Variants in OPRPN observed in about 807,000 individuals in gnomAD.
The protein encoded by OPRPN is basic proline-rich lacrimal protein.
In OPRPN, 1 loss-of-function variant was observed where a neutral mutation model predicts 2.2. That is an observed-to-expected ratio of 0.45 (90% confidence interval 0.16 to 2.15). OPRPN has a LOEUF of 2.15. Ranked by LOEUF, OPRPN falls within the 30% of genes most tolerant of loss-of-function variation. OPRPN has a pLI of 0.28. For synonymous variants in OPRPN, 126 were observed against 111.5 expected (o/e 1.13, Z -0.82); for missense variants, 306 against 297.3 (o/e 1.03, Z -0.21).
Position 70,410,007 on chromosome 4 carries a change from A to G in OPRPN, c.679A>G (p.Asn227Asp), listed in dbSNP as rs1577886171. 2 of 1,611,466 alleles carry G rather than the reference A, an allele frequency of 1.2e-6. No homozygotes were observed. Among genetic ancestry groups the G allele is most frequent in the Non-Finnish European group, 1.7e-6 (2 of 1,179,170 alleles). Residue 227 changes from asparagine (N) to aspartate (D), a missense_variant, in exon 3 of 3, where the codon AAC (asparagine) becomes GAC (aspartate). Transcript: ENST00000399575. ...LNATVQVTTS[N>D]QTILSSPAFK... ...TGCCACTGTCCAAGTTACGACTTCC[A>G]ACCAAACTATATTAAGCAGCCCAGC...
At chr4:70,403,576 G>C (rs1733025806) in intron 2 of OPRPN, among the ~76,000 whole-genome samples, 1 of 152,108 alleles carries the variant, frequency 6.6e-6, no homozygotes, top group Non-Finnish European at 1.5e-5. Flanking sequence ...TTGCATGTTT[G>C]TGTGCATGCA....
chr4:70,407,902 G>A (rs188696744), intron 2 of OPRPN, among the ~76,000 whole-genome samples: 194 of 152,264 alleles, frequency 1.3e-3, no homozygotes, highest in Non-Finnish European at 2.0e-3. Flanking sequence ...AAGTTCTCAC[G>A]TATCATGGCC....
At chr4:70,405,940 C>A (rs1209142880) in intron 2 of OPRPN, among the ~76,000 whole-genome samples, 11 of 151,914 alleles carry the variant, frequency 7.2e-5, no homozygotes, top group African/African-American at 2.7e-4. Context: ...TGGTGGTGCA[C>A]TCCTGTGGTC....
At chr4:70,407,713 C>G (rs1432592380) in intron 2 of OPRPN, among the ~76,000 whole-genome samples, 2 of 152,000 alleles carry the variant, frequency 1.3e-5, no homozygotes, top group South Asian at 2.1e-4. Flanking sequence ...ATATTATAGA[C>G]AGGAAGAATA....
rs990098881 is a variant in OPRPN at position 70,399,139 on chromosome 4, C to T, written c.-15-132C>T. ...CTTCCTCTCCCCAAAATATCAAACA[C>T]ATCTTTAAAGGTTATGTTGGTCTTT... is the stretch of plus-strand genomic sequence containing the variant. On this transcript the variant is annotated intron_variant, in intron 1 of 2. Coordinates refer to ENST00000399575, the MANE Select transcript of OPRPN (RefSeq NM_021225.5). 17 of 534,920 alleles carry T rather than the reference C, an allele frequency of 3.2e-5. No individual in the cohort carries two copies. In the East Asian group the frequency reaches 4.6e-4, roughly 15 times the overall value. 33.1% of individuals were successfully genotyped at this position (534,920 alleles called of 1,614,324 possible).
intron 2 of OPRPN, among the ~76,000 whole-genome samples, chr4:70,403,022 C>T (rs1349436402): frequency 1.3e-5 from 2 of 151,918 alleles, no homozygotes; most frequent in African/African-American, 2.4e-5. Context: ...AGAAAGATGC[C>T]GTCTCTTCCC....
At chr4:70,403,610 C>T (rs946212681) in intron 2 of OPRPN, among the ~76,000 whole-genome samples, 2 of 152,060 alleles carry the variant, frequency 1.3e-5, no homozygotes, top group Non-Finnish European at 2.9e-5. Flanking sequence ...AATTATTTGT[C>T]ATTTTAATTA....
At chr4:70,399,636 T>TTGTC (rs1732930587) in intron 2 of OPRPN, 2 of 209,644 alleles carry the variant, frequency 9.5e-6, no homozygotes, top group Non-Finnish European at 1.9e-5. Flanking sequence ...TCAAAAGGAC[T>TTGTC]ACTATCAAAT....
intron 2 of OPRPN, among the ~76,000 whole-genome samples, chr4:70,401,927 C>G (rs1323013081): frequency 6.6e-6 from 1 of 152,050 alleles, no homozygotes; most frequent in African/African-American, 2.4e-5. Flanking sequence ...GTTGGTTAAG[C>G]TGTCAGTCTG....
At chr4:70,406,184 T>C (rs1400019123) in intron 2 of OPRPN, among the ~76,000 whole-genome samples, 1 of 152,218 alleles carries the variant, frequency 6.6e-6, no homozygotes, top group Non-Finnish European at 1.5e-5. Context: ...TAAGTGACTA[T>C]AAGTATTATA....
Position 70,409,711 on chromosome 4 carries a change from C to T in OPRPN, c.383C>T (p.Pro128Leu). The T allele has an allele frequency of 6.2e-7, 1 of 1,613,446 alleles. No homozygotes were observed. The highest frequency in any genetic ancestry group is 8.5e-7 in the Non-Finnish European group (1 of 1,179,522). ...RILKPPFPPIPFFLAIYLPIS... is the reference protein window; with the variant it reads ...RILKPPFPPILFFLAIYLPIS... ...TTAAAACCCCCATTTCCTCCTATTCCTTTTTTTCTTGCTATTTACCTTCCT... is the reference window on the plus strand; with the variant it reads ...TTAAAACCCCCATTTCCTCCTATTCTTTTTTTTCTTGCTATTTACCTTCCT... Residue 128 changes from proline (P) to leucine (L), a missense_variant, in exon 3 of 3, where the codon CCT becomes CTT. By Grantham distance (98) the Pro-to-Leu change is moderately conservative. Coordinates refer to ENST00000399575, the MANE Select transcript of OPRPN (RefSeq NM_021225.5).
intron 2 of OPRPN, among the ~76,000 whole-genome samples, chr4:70,403,585 C>A (rs1055243266): frequency 6.6e-5 from 10 of 152,080 alleles, no homozygotes; most frequent in Non-Finnish European, 1.5e-4. Flanking sequence ...TGTGTGCATG[C>A]AAAATACTAT....
At chr4:70,400,742 A>C (rs1290697598) in intron 2 of OPRPN, among the ~76,000 whole-genome samples, 1 of 152,004 alleles carries the variant, frequency 6.6e-6, no homozygotes, top group Admixed American at 6.6e-5. Flanking sequence ...ATATGAAAAA[A>C]CCTAAGTCAA....
chr4:70,407,197 A>G (rs761151863), intron 2 of OPRPN, among the ~76,000 whole-genome samples: 1 of 152,214 alleles, frequency 6.6e-6, no homozygotes, highest in African/African-American at 2.4e-5. Flanking sequence ...GGATATCTCA[A>G]TATTTCCTAT....
At chr4:70,405,592 T>C (rs960160602) in intron 2 of OPRPN, among the ~76,000 whole-genome samples, 1 of 152,230 alleles carries the variant, frequency 6.6e-6, no homozygotes, top group Non-Finnish European at 1.5e-5. Context: ...TCCAAATCTA[T>C]TTCTCCAGTT....
intron 2 of OPRPN, among the ~76,000 whole-genome samples, chr4:70,403,725 G>A (rs1017998915): frequency 3.3e-5 from 5 of 152,000 alleles, no homozygotes; most frequent in Non-Finnish European, 5.9e-5. Flanking sequence ...CACATAACTT[G>A]TGAATGGAGA....
At chr4:70,404,382 C>T (rs1378605860) in intron 2 of OPRPN, among the ~76,000 whole-genome samples, 1 of 152,132 alleles carries the variant, frequency 6.6e-6, no homozygotes, top group South Asian at 2.1e-4. Context: ...CATCTTCTTA[C>T]CCTTTCTCCA....
chr4:70,409,302 A>G, intron 2 of OPRPN, 78 bp from the exon 3 acceptor site: 6 of 1,063,022 alleles, frequency 5.6e-6, no homozygotes, highest in Non-Finnish European at 8.2e-6. Flanking sequence ...ATATTAATAC[A>G]TAGTATATCC....
Position 70,405,484 on chromosome 4 carries a change from C to G in OPRPN, c.52-3896C>G, listed in dbSNP as rs577736238. Among the ~76,000 whole-genome samples, 4 of 152,294 alleles carry G rather than the reference C, an allele frequency of 2.6e-5. No individual in the cohort carries two copies. The South Asian group carries it at 8.3e-4, about 32-fold the overall frequency. On this transcript the variant is annotated intron_variant, in intron 2 of 2. Transcript: ENST00000399575. ...TCCTCCTGTCTCTGATTTTCCTTCA[C>G]TGGCTGCTCACCTTTCTCTTATTGA... is the stretch of plus-strand genomic sequence containing the variant.
Sources: gnomAD v4.1 joint callset for allele counts (sites outside exome capture counted in the v4.1 genomes callset) on GRCh38, gnomAD v4.1.1 for gene constraint, MANE v1.5 for transcripts, NCBI Gene and HGNC (gene_info 2026-07-23, HGNC 2026-07-21) for gene names.